The following IRAK2 variants were observed in gnomAD, a reference collection of about 807,000 sequenced individuals.
IRAK2 encodes the protein interleukin 1 receptor associated kinase 2, also known as interleukin-1 receptor-associated kinase-like 2.
Under a neutral mutation model 72.0 loss-of-function variants are expected in IRAK2, and 57 were observed. That is an observed-to-expected ratio of 0.79 (90% CI 0.64 to 0.99). IRAK2 has a LOEUF of 0.99. Ranked by LOEUF, IRAK2 falls within the 50% of genes least tolerant of loss-of-function variation. IRAK2 has a pLI of 0.00. For missense variants in IRAK2, 790 were observed against 794.4 expected (o/e 0.99, Z 0.07); for synonymous variants, 293 against 312.7 (o/e 0.94, Z 0.67).
rs76510901 is a variant in IRAK2 at position 10,189,284 on chromosome 3, G to A, written c.278-11085G>A. Among the ~76,000 whole-genome samples the A allele has an allele frequency of 6.8e-3, 1,040 of 152,222 alleles. 27 individuals carry two copies. In the South Asian group the frequency reaches 0.082, roughly 12 times the overall value. Reference sequence around the variant, plus strand: ...AAGGACGACACACACATATCTAGCCGGGGGGAGCAGCATGTACAAAGGCCT... The same window carrying A: ...AAGGACGACACACACATATCTAGCCAGGGGGAGCAGCATGTACAAAGGCCT... On this transcript the variant is annotated intron_variant, in intron 2 of 12. Coordinates refer to ENST00000256458, the MANE Select transcript of IRAK2 (RefSeq NM_001570.4).
At position 10,212,763 on chromosome 3, in the gene IRAK2, CTTTTTTTTTTT is replaced by C. The variant is rs543464447; in HGVS notation, c.529-435_529-425del. ...ATTTGAGCTTGGGCCTATCCATGTC[CTTTTTTTTTTT>C]TTTTTTTTGAGACAGAGTCTCGCTC... On this transcript the variant is annotated intron_variant, in intron 4 of 12. Transcript: ENST00000256458. 4.0e-5 allele frequency among the ~76,000 whole-genome samples: 5 copies of C among 125,968 alleles called. No individual in the cohort carries two copies. The East Asian group carries it at 1.1e-3, about 27-fold the overall frequency. 82.6% of individuals were successfully genotyped at this position (125,968 alleles called of 152,430 possible).
chr3:10,240,543 C>CCA (rs1698038238), intron 12 of IRAK2, among the ~76,000 whole-genome samples: 1 of 18,152 alleles, frequency 5.5e-5, no homozygotes, highest in Non-Finnish European at 1.1e-4. Flanking sequence ...GGAAGCCCCC[C>CCA]CCCCCCCCCC....
chr3:10,191,529 A>G (rs1697176160), intron 2 of IRAK2, among the ~76,000 whole-genome samples: 1 of 152,064 alleles, frequency 6.6e-6, no homozygotes, highest in Non-Finnish European at 1.5e-5. Flanking sequence ...CCCCTCAGTC[A>G]TTCCCCTCAG....
chr3:10,232,504 A>C (rs1025364443), intron 10 of IRAK2, among the ~76,000 whole-genome samples: 1 of 152,182 alleles, frequency 6.6e-6, no homozygotes, highest in Middle Eastern at 3.2e-3. Flanking sequence ...CAGTGGTTTC[A>C]GGTGGAGCTG....
chr3:10,229,600 T>A (rs1018351994), intron 10 of IRAK2, among the ~76,000 whole-genome samples: 2 of 152,208 alleles, frequency 1.3e-5, no homozygotes, highest in African/African-American at 4.8e-5. Context: ...GATGCACCCA[T>A]TTGTTTCTGT....
intron 1 of IRAK2, among the ~76,000 whole-genome samples, chr3:10,168,241 C>G: frequency 6.7e-6 from 1 of 149,306 alleles, no homozygotes; most frequent in South Asian, 2.1e-4. Context: ...GACAGAGTCT[C>G]GCTCTGTCGC....
At chr3:10,198,283 TCA>T (rs1697303728) in intron 2 of IRAK2, among the ~76,000 whole-genome samples, 3 of 152,236 alleles carry the variant, frequency 2.0e-5, no homozygotes, top group Admixed American at 2.0e-4. Context: ...AAGCCACTCA[TCA>T]CCCCCCGACA....
chr3:10,230,293 C>T (rs1281795404), intron 10 of IRAK2, among the ~76,000 whole-genome samples: 1 of 151,812 alleles, frequency 6.6e-6, no homozygotes, highest in Non-Finnish European at 1.5e-5. Flanking sequence ...CCCCCCCCAC[C>T]GACAAGGTAT....
intron 1 of IRAK2, among the ~76,000 whole-genome samples, chr3:10,176,017 T>C (rs1387178372): frequency 2.0e-5 from 3 of 151,104 alleles, no homozygotes; most frequent in South Asian, 4.2e-4. Flanking sequence ...CTAATGGCCT[T>C]AGGAGGGTGG....
At chr3:10,198,684 T>A (rs1697309733) in intron 2 of IRAK2, among the ~76,000 whole-genome samples, 1 of 152,216 alleles carries the variant, frequency 6.6e-6, no homozygotes, top group African/African-American at 2.4e-5. Context: ...ATTATTTTAG[T>A]TCAAAAGCTT....
At chr3:10,199,756 G>C (rs1697325572) in intron 2 of IRAK2, among the ~76,000 whole-genome samples, 1 of 152,146 alleles carries the variant, frequency 6.6e-6, no homozygotes, top group South Asian at 2.1e-4. Context: ...TATAGGTGAG[G>C]GAAGGGAGAC....
intron 7 of IRAK2, among the ~76,000 whole-genome samples, chr3:10,219,223 C>T (rs11465906): frequency 0.026 from 3,938 of 152,254 alleles, 173 homozygotes; most frequent in African/African-American, 0.089. Context: ...TGAAAAAACT[C>T]ACAGTATCAT....
Position 10,213,510 on chromosome 3 carries a change from C to A in IRAK2, c.750C>A (p.Ile250=), listed in dbSNP as rs199981706. The part of the protein sequence containing the change: ...RETACSSPGS[I]ERFFQAELQI... ...CAGCCTGTTCAAGTCCAGGATCAAT[C>A]GAAAGATTCTTCCAGGCAGAGTTGC... The change falls in exon 6 of 13, where the codon ATC becomes ATA. Residue 250 remains isoleucine (I), a synonymous_variant. Transcript: ENST00000256458. 10 of 1,614,070 alleles carry A rather than the reference C, an allele frequency of 6.2e-6. No individual in the cohort carries two copies. The highest frequency in any genetic ancestry group is 8.5e-6 in the Non-Finnish European group (10 of 1,179,974).
intron 6 of IRAK2, among the ~76,000 whole-genome samples, chr3:10,214,705 G>C (rs1697575429): frequency 6.6e-6 from 1 of 151,996 alleles, no homozygotes; most frequent in Admixed American, 6.6e-5. Flanking sequence ...CTAGAACTTT[G>C]ATGCTGAGGC....
At chr3:10,170,568 TC>T (rs1696779144) in intron 1 of IRAK2, among the ~76,000 whole-genome samples, 1 of 152,154 alleles carries the variant, frequency 6.6e-6, no homozygotes, top group South Asian at 2.1e-4. Flanking sequence ...GCCTTTGATG[TC>T]CCCTCGTTCC....
At chr3:10,209,350 C>T (rs1255061953) in intron 3 of IRAK2, among the ~76,000 whole-genome samples, 2 of 152,174 alleles carry the variant, frequency 1.3e-5, no homozygotes, top group Non-Finnish European at 2.9e-5. Flanking sequence ...TCCGGTGTCT[C>T]CGTGTCTCCA....
At chr3:10,217,798 G>A (rs916010078) in intron 7 of IRAK2, among the ~76,000 whole-genome samples, 3 of 152,124 alleles carry the variant, frequency 2.0e-5, no homozygotes, top group African/African-American at 7.2e-5. Context: ...CCATGGCAGG[G>A]ACAAGACAAA....
intron 10 of IRAK2, among the ~76,000 whole-genome samples, chr3:10,226,959 A>G (rs1697788683): frequency 6.6e-6 from 1 of 151,546 alleles, no homozygotes. Context: ...AAAAAAAAAA[A>G]AAAAAAGATT....
rs754306308 is a variant in IRAK2 at position 10,234,599 on chromosome 3, C to T, written c.1413C>T (p.Ala471=). ...CAGGGAGGCTTCCGGAGGACTGCGC[C>T]GAGGCCCTGGCCACGGCTGCCTGCC... ...KGAGRLPEDC[A]EALATAACLC... The change falls in exon 11 of 13, where the codon GCC becomes GCT. Residue 471 remains alanine (A), a synonymous_variant. Coordinates refer to ENST00000256458, the MANE Select transcript of IRAK2 (RefSeq NM_001570.4). 9 of 1,613,440 alleles carry T rather than the reference C, an allele frequency of 5.6e-6. No individual in the cohort carries two copies. The highest frequency in any genetic ancestry group is 5.1e-6 in the Non-Finnish European group (6 of 1,179,944).
Sources: allele counts gnomAD v4.1 joint callset (sites outside exome capture counted in the v4.1 genomes callset), GRCh38; gene constraint gnomAD v4.1.1; transcripts MANE v1.5; gene names NCBI Gene and HGNC (gene_info 2026-07-23, HGNC 2026-07-21).